The following GPHN variants were observed in gnomAD, a reference collection of about 807,000 sequenced individuals.
The protein encoded by GPHN is gephyrin.
Under a neutral mutation model 95.5 loss-of-function variants are expected in GPHN, and 17 were observed. The observed-to-expected ratio is 0.18, with a 90% CI of 0.12 to 0.27. The LOEUF (loss-of-function observed/expected upper bound fraction) is 0.27. Ranked by LOEUF, GPHN falls within the 10% of genes least tolerant of loss-of-function variation. GPHN has a pLI of 1.00. For missense variants in GPHN, 660 were observed against 978.1 expected, an observed-to-expected ratio of 0.67 and a Z score of 4.34; for synonymous variants, 320 against 322.5, an observed-to-expected ratio of 0.99 and a Z score of 0.08.
chr14:66,607,184 G>C (rs926806864), intron 1 of GPHN, among the ~76,000 whole-genome samples: 3 of 152,044 alleles, frequency 2.0e-5, no homozygotes, highest in African/African-American at 7.2e-5. Context: ...ATCATAAAGA[G>C]ATGTTGGATT....
At chr14:67,493,873 T>G in the GPHN span, among the ~76,000 whole-genome samples, 1 of 152,046 alleles carries the variant, frequency 6.6e-6, no homozygotes, top group African/African-American at 2.4e-5. Context: ...CTCACACATG[T>G]AATAAACTTA....
chr14:67,303,374 C>T, the GPHN span: 1 of 624,366 alleles, frequency 1.6e-6, no homozygotes, highest in Non-Finnish European at 2.9e-6. Flanking sequence ...CAGCCCCATT[C>T]ATTGCTTTGG....
chr14:67,083,968 A>C lies in GPHN; in HGVS notation c.1145-5015A>C, dbSNP rs146103235. ...TGTAGTCATAATCATTAATGCACTC[A>C]TTCATTGACTCAGTCATTCAAACAG... On this transcript the variant is annotated intron_variant, in intron 11 of 22. Coordinates refer to ENST00000478722, the MANE Select transcript of GPHN (RefSeq NM_020806.5). 2.0e-5 allele frequency among the ~76,000 whole-genome samples: 3 copies of C among 152,324 alleles called. No individual in the cohort carries two copies. The East Asian group carries it at 5.8e-4, about 29-fold the overall frequency.
chr14:67,705,538 A>T, the GPHN span, among the ~76,000 whole-genome samples: 1 of 152,174 alleles, frequency 6.6e-6, no homozygotes, highest in African/African-American at 2.4e-5. Context: ...AACTAAATGC[A>T]ATGTGGGGTC....
chr14:66,573,710 C>T (rs1409382020), intron 1 of GPHN, among the ~76,000 whole-genome samples: 1 of 152,136 alleles, frequency 6.6e-6, no homozygotes, highest in African/African-American at 2.4e-5. Context: ...CTGCATTACC[C>T]TCCCAAAGTG....
chr14:67,193,330 C>CGAGA, the GPHN span, among the ~76,000 whole-genome samples: 1 of 135,246 alleles, frequency 7.4e-6, no homozygotes. Flanking sequence ...CTATATATCT[C>CGAGA]TATATAGATA....
chr14:67,476,087 C>T, the GPHN span, among the ~76,000 whole-genome samples: 2 of 152,196 alleles, frequency 1.3e-5, no homozygotes, highest in Admixed American at 6.5e-5. Flanking sequence ...CTGCTAATGG[C>T]TTCACATCTC....
At chr14:67,050,146 A>G (rs1022402211) in intron 10 of GPHN, among the ~76,000 whole-genome samples, 6 of 152,220 alleles carry the variant, frequency 3.9e-5, no homozygotes, top group African/African-American at 4.8e-5. Context: ...GCATATCTCA[A>G]AACATCATGG....
At chr14:67,224,136 T>C in the GPHN span, among the ~76,000 whole-genome samples, 1 of 152,192 alleles carries the variant, frequency 6.6e-6, no homozygotes, top group Non-Finnish European at 1.5e-5. Flanking sequence ...TTTTTCTCCT[T>C]TTCTGCATAA....
chr14:66,814,747 A>G (rs1292218231), intron 3 of GPHN, among the ~76,000 whole-genome samples: 1 of 152,232 alleles, frequency 6.6e-6, no homozygotes, highest in Non-Finnish European at 1.5e-5. Flanking sequence ...TCAAAAAGCT[A>G]GAGTACCTTC....
chr14:67,252,007 G>A, the GPHN span, among the ~76,000 whole-genome samples: 17 of 152,060 alleles, frequency 1.1e-4, no homozygotes, highest in Non-Finnish European at 1.9e-4. Flanking sequence ...ATATTTCAAG[G>A]TGCTGGGAGG....
chr14:66,926,498 T>G (rs2066489602), intron 8 of GPHN, among the ~76,000 whole-genome samples: 1 of 152,230 alleles, frequency 6.6e-6, no homozygotes, highest in South Asian at 2.1e-4. Context: ...CACCATTTAT[T>G]GAAGAGACTG....
chr14:67,036,796 A>G (rs1316739213), intron 10 of GPHN, among the ~76,000 whole-genome samples: 1 of 151,966 alleles, frequency 6.6e-6, no homozygotes, highest in Non-Finnish European at 1.5e-5. Context: ...AGACACAGTA[A>G]ATGGAAAGAT....
At chr14:67,657,672 G>T in the GPHN span, among the ~76,000 whole-genome samples, 1 of 151,740 alleles carries the variant, frequency 6.6e-6, no homozygotes, top group African/African-American at 2.4e-5. Context: ...CAGAGCAAGT[G>T]ACCACTGGCA....
At chr14:66,565,276 C>T (rs1168602549) in intron 1 of GPHN, among the ~76,000 whole-genome samples, 3 of 151,970 alleles carry the variant, frequency 2.0e-5, no homozygotes, top group Admixed American at 6.6e-5. Context: ...GTAGCTTACT[C>T]AGAATTGTCC....
At chr14:66,969,963 G>T (rs1035202793) in intron 9 of GPHN, 1 of 151,470 alleles carries the variant, frequency 6.6e-6, no homozygotes, top group East Asian at 1.9e-4. Context: ...TTTTATTATC[G>T]TTTTATTCCC....
the GPHN span, among the ~76,000 whole-genome samples, chr14:67,193,938 C>A: frequency 1.2e-5 from 1 of 81,552 alleles, no homozygotes; most frequent in African/African-American, 8.6e-5. Flanking sequence ...GAGCAAGACC[C>A]TGTCTCAAAA....
At chr14:67,416,028 G>C in the GPHN span, among the ~76,000 whole-genome samples, 1 of 152,134 alleles carries the variant, frequency 6.6e-6, no homozygotes, top group Non-Finnish European at 1.5e-5. Flanking sequence ...TGCATGTTGG[G>C]CTTAATACCT....
chr14:67,496,390 C>CTTTTTT, the GPHN span, among the ~76,000 whole-genome samples: 3 of 27,630 alleles, frequency 1.1e-4, no homozygotes, highest in African/African-American at 2.5e-4. Context: ...ACTGCTCCGG[C>CTTTTTT]GTTTTTTTTT....
Sources: gnomAD v4.1 joint callset for allele counts (sites outside exome capture counted in the v4.1 genomes callset) on GRCh38, gnomAD v4.1.1 for gene constraint, MANE v1.5 for transcripts, NCBI Gene and HGNC (gene_info 2026-07-23, HGNC 2026-07-21) for gene names.